The following DCC variants were observed in gnomAD, a reference collection of about 807,000 sequenced individuals.
DCC encodes netrin receptor DCC.
In DCC, 58 loss-of-function variants were observed where a neutral mutation model predicts 172.5. The ratio of observed to expected loss-of-function variants is 0.34; its 90% CI spans 0.27 to 0.42. DCC has a LOEUF of 0.42. Among genes scored for constraint, DCC ranks in the 10% least tolerant of loss-of-function variants. The pLI, the probability that DCC is intolerant of heterozygous loss-of-function variation, is 1.00. For synonymous variants in DCC, 709 were observed against 644.5 expected, an observed-to-expected ratio of 1.10 and a Z score of -1.52; for missense variants, 1,740 against 1,791.0, an observed-to-expected ratio of 0.97 and a Z score of 0.51.
chr18:53,157,143 G>A (rs896532382), intron 7 of DCC, among the ~76,000 whole-genome samples: 15 of 152,158 alleles, frequency 9.9e-5, no homozygotes, highest in Admixed American at 6.5e-5. Context: ...CAGTGGAATT[G>A]TATACATGTC....
intron 1 of DCC, among the ~76,000 whole-genome samples, chr18:52,503,338 A>G (rs139079523): frequency 1.2e-3 from 177 of 152,232 alleles, no homozygotes; most frequent in Non-Finnish European, 2.1e-3. Flanking sequence ...TACCCTTGTT[A>G]AAGATGTGTT....
At chr18:53,035,246 T>C (rs1217132264) in intron 5 of DCC, among the ~76,000 whole-genome samples, 1 of 151,934 alleles carries the variant, frequency 6.6e-6, no homozygotes, top group Admixed American at 6.6e-5. Flanking sequence ...TAAAGTAGCC[T>C]ATGGCCATAC....
chr18:52,895,990 G>A (rs1251427068), intron 2 of DCC, among the ~76,000 whole-genome samples: 2 of 152,072 alleles, frequency 1.3e-5, no homozygotes, highest in Non-Finnish European at 2.9e-5. Flanking sequence ...TCACCTTGTT[G>A]GCCAGGCTGG....
intron 1 of DCC, among the ~76,000 whole-genome samples, chr18:52,450,493 T>C (rs532834323): frequency 6.6e-6 from 1 of 152,334 alleles, no homozygotes; most frequent in East Asian, 1.9e-4. Context: ...ATTTTTATTC[T>C]CAAAATTGTC....
chr18:52,923,758 T>G lies in DCC; in HGVS notation c.749T>G (p.Val250Gly). ...TTTCTGCAAAGACCATCCAATGTAG[T>G]AGCCATTGAAGGAAAAGATGCTGTC... The part of the protein sequence containing the change: ...LYFLQRPSNV[V>G]AIEGKDAVLE... The change falls in exon 4 of 29, where the codon GTA (valine) becomes GGA (glycine). Residue 250 changes from valine to glycine, a missense_variant. Transcript: ENST00000442544. 1 of 1,610,540 alleles carries G rather than the reference T, an allele frequency of 6.2e-7. No homozygotes were observed. Among genetic ancestry groups the G allele is most frequent in the Non-Finnish European group, 8.5e-7 (1 of 1,176,894 alleles).
intron 1 of DCC, among the ~76,000 whole-genome samples, chr18:52,579,778 G>T (rs2033501098): frequency 6.6e-6 from 1 of 152,160 alleles, no homozygotes; most frequent in African/African-American, 2.4e-5. Context: ...TAAAAATCTG[G>T]AAGCAATTGA....
At chr18:52,767,023 T>C (rs1165839416) in intron 2 of DCC, among the ~76,000 whole-genome samples, 1 of 151,970 alleles carries the variant, frequency 6.6e-6, no homozygotes, top group East Asian at 1.9e-4. Flanking sequence ...TTTTTCTATG[T>C]GGGGACACAT....
intron 2 of DCC, among the ~76,000 whole-genome samples, chr18:52,899,522 T>A (rs1317789582): frequency 6.6e-6 from 1 of 151,756 alleles, no homozygotes; most frequent in Non-Finnish European, 1.5e-5. Flanking sequence ...CCCATCTAAT[T>A]TTTTGTATTT....
rs118009742 is a variant in DCC at position 53,195,971 on chromosome 18, C to T, written c.1574-9245C>T. Among the ~76,000 whole-genome samples the T allele has an allele frequency of 5.6e-3, 852 of 152,240 alleles. 6 individuals are homozygous for T. Among genetic ancestry groups the T allele is most frequent in the Admixed American group, 0.023 (349 of 15,296 alleles). On this transcript the variant is annotated intron_variant, in intron 9 of 28. Coordinates refer to ENST00000442544, the MANE Select transcript of DCC (RefSeq NM_005215.4). ...AAAGTTCATAGTTCTAGAGAAAGCACTGTATGCTGAACACATAGAAATTAT... is the reference window on the plus strand; with the variant it reads ...AAAGTTCATAGTTCTAGAGAAAGCATTGTATGCTGAACACATAGAAATTAT...
chr18:52,762,613 C>T (rs1200333209), intron 2 of DCC, among the ~76,000 whole-genome samples: 1 of 152,150 alleles, frequency 6.6e-6, no homozygotes, highest in East Asian at 1.9e-4. Context: ...CACTTAAAGA[C>T]AGGAGTTTGA....
At chr18:52,396,778 G>A (rs970593015) in intron 1 of DCC, among the ~76,000 whole-genome samples, 9 of 151,906 alleles carry the variant, frequency 5.9e-5, no homozygotes, top group Non-Finnish European at 8.8e-5. Flanking sequence ...GATTCATAAC[G>A]GATGGGTCAT....
intron 5 of DCC, among the ~76,000 whole-genome samples, chr18:52,948,005 T>C (rs1188893647): frequency 6.6e-6 from 1 of 152,164 alleles, no homozygotes; most frequent in Non-Finnish European, 1.5e-5. Flanking sequence ...ATTTAAAAAA[T>C]ACATTATCAT....
In DCC at chr18:52,880,724, T is replaced by C. The variant is rs1051363950; in HGVS notation, c.413-25320T>C. 9.2e-5 allele frequency among the ~76,000 whole-genome samples: 14 copies of C among 152,338 alleles called. 1 individual carries two copies. The highest frequency in any genetic ancestry group is 8.5e-4 in the Admixed American group (13 of 15,304). Reference sequence around the variant, plus strand: ...TTTTTATGGCTGAATAGTACTCCATTATGCATATGTACCACATTCTCTTTA... The same window carrying C: ...TTTTTATGGCTGAATAGTACTCCATCATGCATATGTACCACATTCTCTTTA... On this transcript the variant is annotated intron_variant, in intron 2 of 28. Coordinates refer to ENST00000442544, the MANE Select transcript of DCC (RefSeq NM_005215.4).
intron 12 of DCC, among the ~76,000 whole-genome samples, chr18:53,230,040 A>C (rs2056099189): frequency 6.6e-6 from 1 of 152,118 alleles, no homozygotes; most frequent in African/African-American, 2.4e-5. Context: ...GAGGCTGTAT[A>C]ATCTGTGTAT....
intron 2 of DCC, among the ~76,000 whole-genome samples, chr18:52,883,132 C>T (rs535763683): frequency 2.6e-5 from 4 of 151,832 alleles, no homozygotes; most frequent in African/African-American, 9.7e-5. Context: ...TGTTTTCAGT[C>T]CATGTGCATC....
rs552760224 is a variant in DCC, at chr18:52,923,621, C to T, written c.698-86C>T. The T allele has an allele frequency of 5.8e-4, 636 of 1,098,192 alleles. 2 individuals are homozygous for T. Among genetic ancestry groups the T allele is most frequent in the Non-Finnish European group, 6.5e-4 (471 of 720,120 alleles). The allele number at this position is 1,098,192 out of a possible 1,614,324, so 68.0% of individuals were successfully genotyped here. On this transcript the variant is annotated intron_variant, in intron 3 of 28. Transcript: ENST00000442544. ...GGCATCTTTTCATTTTTCTTTCCAT[C>T]TTTTGTTAGGAAAAAAATCAAAATA...
rs148874044 is a variant in DCC at position 53,261,814 on chromosome 18, C to T, written c.1912-43764C>T. Among the ~76,000 whole-genome samples the T allele has an allele frequency of 8.1e-4, 123 of 152,198 alleles. 1 individual carries two copies. The highest frequency in any genetic ancestry group is 2.5e-3 in the African/African-American group (103 of 41,544). ...GCGACCGGCCATTTATGAATACCTTCGTGGGGTCTGCCTCTGGGATGGTAT... is the reference window on the plus strand; with the variant it reads ...GCGACCGGCCATTTATGAATACCTTTGTGGGGTCTGCCTCTGGGATGGTAT... On this transcript the variant is annotated intron_variant, in intron 12 of 28. Transcript: ENST00000442544.
chr18:52,561,740 G>T (rs774531442), intron 1 of DCC, among the ~76,000 whole-genome samples: 1 of 151,928 alleles, frequency 6.6e-6, no homozygotes, highest in Non-Finnish European at 1.5e-5. Context: ...TTCACTTCGC[G>T]GTGGGTTTTA....
rs1189177830 is a variant in DCC, at chr18:52,691,804, T to C, written c.92-60250T>C. On this transcript the variant is annotated intron_variant, in intron 1 of 28. Coordinates refer to ENST00000442544, the MANE Select transcript of DCC (RefSeq NM_005215.4). ...ATGCTTTCTTCCCATGCTTCCATTATTGATCAACCTCACTCCCACCCTATC... is the reference window on the plus strand; with the variant it reads ...ATGCTTTCTTCCCATGCTTCCATTACTGATCAACCTCACTCCCACCCTATC... Among the ~76,000 whole-genome samples, 6 of 152,290 alleles carry C rather than the reference T, an allele frequency of 3.9e-5. No individual in the cohort carries two copies. In the East Asian group the frequency reaches 1.2e-3, roughly 29 times the overall value.
Sources: allele counts gnomAD v4.1 joint callset (sites outside exome capture counted in the v4.1 genomes callset), GRCh38; gene constraint gnomAD v4.1.1; transcripts MANE v1.5; gene names NCBI Gene and HGNC (gene_info 2026-07-23, HGNC 2026-07-21).